FOSB: variants seen among roughly 807,000 people sequenced by gnomAD.
FOSB encodes FosB proto-oncogene, AP-1 transcription factor subunit.
FOSB carries 8 observed loss-of-function variants against 31.1 expected under a neutral mutation model. The ratio of observed to expected loss-of-function variants is 0.26; its 90% CI spans 0.15 to 0.46. The LOEUF (loss-of-function observed/expected upper bound fraction) is 0.46, where lower values mean the gene tolerates loss of function less well. FOSB is among the 20% of genes least tolerant of loss of function. FOSB has a pLI of 0.99. For missense variants in FOSB, 376 were observed against 460.6 expected (o/e 0.82, Z 1.68); for synonymous variants, 214 against 206.1 (o/e 1.04, Z -0.33).
chr19:45,471,594 T>G, intron 3 of FOSB: 1 of 278,696 alleles, frequency 3.6e-6, no homozygotes, highest in Non-Finnish European at 6.9e-6. Flanking sequence ...GCCCCCATCA[T>G]TTCTCCCATC....
In FOSB at chr19:45,472,991, G is replaced by GC. The variant is rs769715180; in HGVS notation, c.999dup (p.Ser334LeufsTer50). 6.2e-7 allele frequency: 1 copy of GC among 1,610,344 alleles called. No individual in the cohort carries two copies. Among genetic ancestry groups the GC allele is most frequent in the South Asian group, 1.1e-5 (1 of 91,066 alleles). ...ACCAGCCTTCCGATCCCCTGAACTC[G>GC]CCCTCCCTCCTCGCTCTGTGAACTC... On this transcript the variant is annotated frameshift_variant, in exon 4 of 4. Transcript: ENST00000353609. LOFTEE classifies it high-confidence loss of function. This position sits in a 1 kb window ranked among gnomAD's most constrained non-coding sequence, Gnocchi z 5.4.
chr19:45,473,019 T>C lies in FOSB; in HGVS notation c.*7T>C. ...CTCCCTCCTCGCTCTGTGAACTCTT[T>C]AGACACACAAAACAAACAAACACAT... On this transcript the variant is annotated 3_prime_UTR_variant, in exon 4 of 4. Coordinates refer to ENST00000353609, the MANE Select transcript of FOSB (RefSeq NM_006732.3). 6.2e-7 allele frequency: 1 copy of C among 1,601,894 alleles called. No homozygotes were observed. Among genetic ancestry groups the C allele is most frequent in the South Asian group, 1.1e-5 (1 of 90,844 alleles).
At chr19:45,470,579 G>A (rs770818762) in intron 1 of FOSB, 50 bp from the exon 2 acceptor site, 2 of 1,513,056 alleles carry the variant, frequency 1.3e-6, no homozygotes, top group South Asian at 1.2e-5. Flanking sequence ...GTGTGTGTCG[G>A]TGTCTTTGTT....
At chr19:45,470,111 CCCCAAACA>C (rs1237134385) in intron 1 of FOSB, 1 of 159,662 alleles carries the variant, frequency 6.3e-6, no homozygotes, top group Non-Finnish European at 1.4e-5. Context: ...TAGGCCCGTC[CCCCAAACA>C]CCCTTTTGAC....
chr19:45,468,939 C>A lies in FOSB; in HGVS notation c.126+227C>A, dbSNP rs1254920281. ...GCGGCAGGGAGGGTAGGCTTTGGGGCGAGGTGGGGGTGGGGTGGGTAATGC... is the reference window on the plus strand; with the variant it reads ...GCGGCAGGGAGGGTAGGCTTTGGGGAGAGGTGGGGGTGGGGTGGGTAATGC... On this transcript the variant is annotated intron_variant, in intron 1 of 3. Transcript: ENST00000353609. The surrounding 1 kb of genome is among the most constrained non-coding windows in gnomAD (Gnocchi z 4.8). Among the ~76,000 whole-genome samples the A allele has an allele frequency of 6.6e-6, 1 of 150,846 alleles. No homozygotes were observed. Among genetic ancestry groups the A allele is most frequent in the African/African-American group, 2.4e-5 (1 of 40,932 alleles).
Position 45,473,160 on chromosome 19 carries a change from C to T in FOSB, c.*148C>T, listed in dbSNP as rs902425697. On this transcript the variant is annotated 3_prime_UTR_variant, in exon 4 of 4. Transcript: ENST00000353609. ...TCCGTCTGACCCTCTGCGGCCACTG[C>T]GCCACTGCCATCGGACAGGAGGATT... The T allele has an allele frequency of 1.8e-5, 12 of 678,632 alleles. No individual in the cohort carries two copies. Among genetic ancestry groups the T allele is most frequent in the African/African-American group, 5.4e-5 (3 of 55,430 alleles). The allele number at this position is 678,632 out of a possible 1,614,324, so 42.0% of individuals were successfully genotyped here. A position where few individuals can be genotyped will look rare whatever the true frequency, so the allele number is the denominator to read the frequency against.
At chr19:45,469,695 CACAG>C (rs1967564689) in intron 1 of FOSB, among the ~76,000 whole-genome samples, 1 of 152,174 alleles carries the variant, frequency 6.6e-6, no homozygotes, top group Non-Finnish European at 1.5e-5. Context: ...TCCAGGCACA[CACAG>C]ACACATTCCC....
Position 45,473,010 on chromosome 19 carries a change from T to A in FOSB, c.1015T>A (p.Ter339ArgextTer3). The change falls in exon 4 of 4, where the codon TGA becomes AGA. Residue 339 changes from the stop codon to arginine, a stop_lost. Coordinates refer to ENST00000353609, the MANE Select transcript of FOSB (RefSeq NM_006732.3). ...GAACTCGCCCTCCCTCCTCGCTCTG[T>A]GAACTCTTTAGACACACAAAACAAA... Reference protein sequence around the residue: ...PLNSPSLLAL* With the variant: ...PLNSPSLLALR 1 of 1,606,610 alleles carries A rather than the reference T, an allele frequency of 6.2e-7. No individual in the cohort carries two copies. The highest frequency in any genetic ancestry group is 8.5e-7 in the Non-Finnish European group (1 of 1,179,376).
rs1352932649 is a variant in FOSB, at chr19:45,468,321, C to T, written c.-266C>T. ...ACCCCTCCCTCGCCCCTGGGTCCTA[C>T]GGAGCCTGCACTTTCAAGAGGTACA... is the stretch of plus-strand genomic sequence containing the variant. On this transcript the variant is annotated 5_prime_UTR_variant, in exon 1 of 4. It adds an upstream start codon to the 5' untranslated region. Transcript: ENST00000353609. This position sits in a 1 kb window ranked among gnomAD's most constrained non-coding sequence, Gnocchi z 4.8. The T allele has an allele frequency of 5.4e-6, 2 of 369,616 alleles. No homozygotes were observed. Among genetic ancestry groups the T allele is most frequent in the Admixed American group, 8.8e-5 (2 of 22,736 alleles). The allele number at this position is 369,616 out of a possible 1,614,324, so 22.9% of individuals were successfully genotyped here. A position where few individuals can be genotyped will look rare whatever the true frequency, so the allele number is the denominator to read the frequency against.
At position 45,473,310 on chromosome 19, in the gene FOSB, C is replaced by G; in HGVS notation, c.*298C>G. On this transcript the variant is annotated 3_prime_UTR_variant, in exon 4 of 4. Transcript: ENST00000353609. Reference sequence around the variant, plus strand: ...TGACTGTTGGCTCTCTGACGTCAACCCAAGCTCTGGGGATGGGTGGGGAGG... The same window carrying G: ...TGACTGTTGGCTCTCTGACGTCAACGCAAGCTCTGGGGATGGGTGGGGAGG... 2.9e-6 allele frequency: 1 copy of G among 343,112 alleles called. No individual in the cohort carries two copies. The highest frequency in any genetic ancestry group is 5.3e-6 in the Non-Finnish European group (1 of 187,986). 21.3% of individuals were successfully genotyped at this position (343,112 alleles called of 1,614,324 possible).
At chr19:45,469,443 A>AG (rs772861866) in intron 1 of FOSB, among the ~76,000 whole-genome samples, 26 of 152,124 alleles carry the variant, frequency 1.7e-4, no homozygotes, top group Admixed American at 3.3e-4. Flanking sequence ...TCCTATTTGT[A>AG]GGGTGCATTT....
chr19:45,468,449 T>G lies in FOSB; in HGVS notation c.-138T>G. 1.1e-6 allele frequency: 1 copy of G among 879,342 alleles called. No individual in the cohort carries two copies. Among genetic ancestry groups the G allele is most frequent in the Non-Finnish European group, 1.8e-6 (1 of 566,672 alleles). 54.5% of individuals were successfully genotyped at this position (879,342 alleles called of 1,614,324 possible). ...CTTCCCCGAGCTTCCCCGGACAGCG[T>G]ACTTTGAGGACTCGCTCAGCTCACC... On this transcript the variant is annotated 5_prime_UTR_variant, in exon 1 of 4. Coordinates refer to ENST00000353609, the MANE Select transcript of FOSB (RefSeq NM_006732.3). The surrounding 1 kb of genome is among the most constrained non-coding windows in gnomAD (Gnocchi z 4.8).
rs1049739 is a variant in FOSB, at chr19:45,475,117, A to G, written c.*2105A>G. Reference sequence around the variant, plus strand: ...CCCCGGGGGGCTGGGACAGATTGGCAATGGGCCGTCCCCTCTCCCCTTGGT... The same window carrying G: ...CCCCGGGGGGCTGGGACAGATTGGCGATGGGCCGTCCCCTCTCCCCTTGGT... On this transcript the variant is annotated 3_prime_UTR_variant, in exon 4 of 4. Transcript: ENST00000353609. 71,416 of 152,466 alleles carry G rather than the reference A, an allele frequency of 0.47. 18,026 individuals are homozygous for G. The highest frequency in any genetic ancestry group is 0.66 in the African/African-American group (27,435 of 41,468). 9.4% of individuals were successfully genotyped at this position (152,466 alleles called of 1,614,324 possible).
Position 45,468,321 on chromosome 19 carries a change from C to A in FOSB, c.-266C>A. 2.7e-6 allele frequency: 1 copy of A among 369,734 alleles called. No homozygotes were observed. The highest frequency in any genetic ancestry group is 4.2e-5 in the South Asian group (1 of 23,744). 22.9% of individuals were successfully genotyped at this position (369,734 alleles called of 1,614,324 possible). A position where few individuals can be genotyped will look rare whatever the true frequency, so the allele number is the denominator to read the frequency against. ...ACCCCTCCCTCGCCCCTGGGTCCTA[C>A]GGAGCCTGCACTTTCAAGAGGTACA... On this transcript the variant is annotated 5_prime_UTR_variant, in exon 1 of 4. Coordinates refer to ENST00000353609, the MANE Select transcript of FOSB (RefSeq NM_006732.3). The surrounding 1 kb of genome is among the most constrained non-coding windows in gnomAD (Gnocchi z 4.8).
At chr19:45,471,531 C>T in intron 3 of FOSB, 1 of 368,052 alleles carries the variant, frequency 2.7e-6, no homozygotes, top group East Asian at 4.4e-5. Context: ...GGACTACTCT[C>T]CTAGCCTTCA....
rs949760555 is a variant in FOSB at position 45,468,849 on chromosome 19, T to G, written c.126+137T>G. ...GATGGAAAAGGCTCACAGCGCACTT[T>G]GCAAACTGCAAAGAGTCGGGAGATG... On this transcript the variant is annotated intron_variant, in intron 1 of 3. Coordinates refer to ENST00000353609, the MANE Select transcript of FOSB (RefSeq NM_006732.3). This position sits in a 1 kb window ranked among gnomAD's most constrained non-coding sequence, Gnocchi z 4.8. 1.0e-6 allele frequency: 1 copy of G among 958,274 alleles called. No homozygotes were observed. Among genetic ancestry groups the G allele is most frequent in the Non-Finnish European group, 1.5e-6 (1 of 667,454 alleles). 59.4% of individuals were successfully genotyped at this position (958,274 alleles called of 1,614,324 possible).
In FOSB at chr19:45,473,044, TG is replaced by T. The variant is rs1967737676; in HGVS notation, c.*37del. On this transcript the variant is annotated 3_prime_UTR_variant, in exon 4 of 4. Coordinates refer to ENST00000353609, the MANE Select transcript of FOSB (RefSeq NM_006732.3). ...TAGACACACAAAACAAACAAACACA[TG>T]GGGGAGAGAGACTTGGAAGAGGAGG... The T allele has an allele frequency of 6.4e-7, 1 of 1,555,490 alleles. No individual in the cohort carries two copies. Among genetic ancestry groups the T allele is most frequent in the Non-Finnish European group, 8.8e-7 (1 of 1,142,072 alleles).
In FOSB at chr19:45,472,696, C is replaced by T. The variant is rs768599286; in HGVS notation, c.701C>T (p.Pro234Leu). 2 of 1,608,562 alleles carry T rather than the reference C, an allele frequency of 1.2e-6. No homozygotes were observed. The highest frequency in any genetic ancestry group is 8.5e-7 in the Non-Finnish European group (1 of 1,177,404). Residue 234 changes from proline (P) to leucine (L), a missense_variant, in exon 4 of 4, where the codon CCG becomes CTG. Physicochemically the swap from Pro to Leu is moderately conservative, Grantham distance 98 (BLOSUM62 -3). Around this residue, in one of 3 missense-constraint regions of FOSB, gnomAD observed 148 missense variants for 170.0 expected, o/e 0.87. Transcript: ENST00000353609. The surrounding 1 kb of genome is among the most constrained non-coding windows in gnomAD (Gnocchi z 5.4). ...TACGAAGAGGGGCCCGGGCCGGGCC[C>T]GCTGGCGGAGGTGAGAGATTTGCCG... The part of the protein sequence containing the change: ...IPYEEGPGPG[P>L]LAEVRDLPGS...
chr19:45,470,668 C>G lies in FOSB; in HGVS notation c.166C>G (p.Pro56Ala). The G allele has an allele frequency of 6.2e-7, 1 of 1,612,394 alleles. No homozygotes were observed. The highest frequency in any genetic ancestry group is 1.1e-5 in the South Asian group (1 of 91,020). Residue 56 changes from proline (P) to alanine (A), a missense_variant, in exon 2 of 4, where the codon CCC becomes GCC. Coordinates refer to ENST00000353609, the MANE Select transcript of FOSB (RefSeq NM_006732.3). ...CGGGGAAATGCCCGGTTCCTTCGTG[C>G]CCACGGTCACCGCGATCACAACCAG... ...GLGEMPGSFV[P>A]TVTAITTSQD...
Sources: gnomAD v4.1 joint callset for allele counts (sites outside exome capture counted in the v4.1 genomes callset) on GRCh38, gnomAD v4.1.1 for gene constraint, gnomAD v4.1.1 regional missense constraint, Gnocchi (gnomAD v3.1) non-coding constraint, MANE v1.5 for transcripts, NCBI Gene and HGNC (gene_info 2026-07-23, HGNC 2026-07-21) for gene names.